Variants in PTK2 observed in about 807,000 individuals in gnomAD.
PTK2 encodes the protein protein tyrosine kinase 2, also known as focal adhesion kinase 1.
In PTK2, 45 loss-of-function variants were observed where a neutral mutation model predicts 150.1. The observed-to-expected ratio is 0.30, with a 90% CI of 0.24 to 0.38. The LOEUF (loss-of-function observed/expected upper bound fraction) is 0.38. PTK2 is among the 10% of genes least tolerant of loss of function. PTK2 has a pLI of 1.00. For synonymous variants in PTK2, 432 were observed against 449.2 expected (o/e 0.96, Z 0.48); for missense variants, 919 against 1,307.3 (o/e 0.70, Z 4.58).
At chr8:140,973,069 T>TA (rs1234805542) in intron 1 of PTK2, among the ~76,000 whole-genome samples, 1 of 152,264 alleles carries the variant, frequency 6.6e-6, no homozygotes, top group Non-Finnish European at 1.5e-5. Context: ...TGGTAAATGT[T>TA]ACTGTATGTG....
chr8:140,798,525 TC>T (rs938387555), intron 12 of PTK2, among the ~76,000 whole-genome samples: 3 of 152,216 alleles, frequency 2.0e-5, no homozygotes, highest in African/African-American at 7.2e-5. Flanking sequence ...GCATCGCATT[TC>T]ATGTTTGATA....
At chr8:140,713,043 G>A (rs1359451385) in intron 23 of PTK2, among the ~76,000 whole-genome samples, 3 of 152,282 alleles carry the variant, frequency 2.0e-5, no homozygotes, top group East Asian at 1.9e-4. Context: ...ATAAGACATC[G>A]TGTCTAGGTG....
rs558627102 is a variant in PTK2, at chr8:140,811,335, C to T, written c.867+6942G>A. ...CCCCTAAAATATTCCAGAAATGCAGCCAGTCAGTTGAGTCCACCTTACCAC... is the reference window on the plus strand; with the variant it reads ...CCCCTAAAATATTCCAGAAATGCAGTCAGTCAGTTGAGTCCACCTTACCAC... On this transcript the variant is annotated intron_variant, in intron 10 of 31. Coordinates refer to ENST00000522684, the Ensembl canonical transcript of PTK2. Among the ~76,000 whole-genome samples the T allele has an allele frequency of 2.6e-5, 4 of 152,154 alleles. 1 individual carries two copies. The South Asian group carries it at 6.2e-4, about 24-fold the overall frequency.
chr8:140,713,581 G>A (rs1674969446), intron 23 of PTK2, among the ~76,000 whole-genome samples: 1 of 152,106 alleles, frequency 6.6e-6, no homozygotes, highest in South Asian at 2.1e-4. Context: ...GAATGGTCAC[G>A]GGGACCTACA....
At chr8:140,663,315 C>T (rs1404289004) in intron 31 of PTK2, among the ~76,000 whole-genome samples, 1 of 142,436 alleles carries the variant, frequency 7.0e-6, no homozygotes. Flanking sequence ...TGGGAGTTCT[C>T]TCTATTAATC....
At chr8:140,789,108 C>A (rs1470461125) in intron 14 of PTK2, among the ~76,000 whole-genome samples, 1 of 152,176 alleles carries the variant, frequency 6.6e-6, no homozygotes, top group African/African-American at 2.4e-5. Flanking sequence ...AAATGTCTCA[C>A]ATTTCCTGAA....
chr8:140,675,304 G>C, intron 28 of PTK2, 156 bp downstream of exon 31: 2 of 767,398 alleles, frequency 2.6e-6, no homozygotes, highest in Non-Finnish European at 4.3e-6. Flanking sequence ...CAATACTCTA[G>C]TAATGAGCTG....
chr8:140,972,960 A>G (rs1407760839), intron 1 of PTK2, among the ~76,000 whole-genome samples: 2 of 152,232 alleles, frequency 1.3e-5, no homozygotes, highest in African/African-American at 4.8e-5. Flanking sequence ...CCTGTTCTTT[A>G]TTCAAATCCC....
At chr8:140,674,268 A>C (rs1363030478) in intron 29 of PTK2, 30 bp downstream of exon 32, 1 of 1,561,422 alleles carries the variant, frequency 6.4e-7, no homozygotes, top group Admixed American at 1.8e-5. Context: ...TCCTGCAAGC[A>C]GAAGGTGCTG....
chr8:140,965,014 C>G (rs987636658), intron 1 of PTK2, among the ~76,000 whole-genome samples: 1 of 152,148 alleles, frequency 6.6e-6, no homozygotes, highest in African/African-American at 2.4e-5. Flanking sequence ...GAAACTAAGA[C>G]CTAATAATCC....
In PTK2 at chr8:140,890,789, A is replaced by AT. The variant is rs748663271; in HGVS notation, c.-32-21dup. ...CATATTCTGTTAAAAGAACAAAATAATTTTTTGTGTATAATACTTGAAATC... is the reference window on the plus strand; with the variant it reads ...CATATTCTGTTAAAAGAACAAAATAATTTTTTTGTGTATAATACTTGAAATC... On this transcript the variant is annotated intron_variant, in intron 2 of 31. Coordinates refer to ENST00000522684, the Ensembl canonical transcript of PTK2. The AT allele has an allele frequency of 1.0e-5, 16 of 1,592,092 alleles. No individual in the cohort carries two copies. Among genetic ancestry groups the AT allele is most frequent in the South Asian group, 9.9e-5 (9 of 90,538 alleles).
chr8:140,853,927 G>A (rs1335077750), intron 5 of PTK2, among the ~76,000 whole-genome samples: 1 of 152,026 alleles, frequency 6.6e-6, no homozygotes, highest in Non-Finnish European at 1.5e-5. Flanking sequence ...CAGCTTTAAG[G>A]CCAAGAAAAT....
At chr8:140,732,515 TC>T (rs1353555168) in intron 22 of PTK2, 1 of 523,722 alleles carries the variant, frequency 1.9e-6, no homozygotes, top group East Asian at 5.7e-5. Flanking sequence ...GGGTGACTCT[TC>T]CTGTATCTAG....
At position 140,846,333 on chromosome 8, in the gene PTK2, G is replaced by A. The variant is rs1247620831; in HGVS notation, c.531-11C>T. 2 of 1,610,184 alleles carry A rather than the reference G, an allele frequency of 1.2e-6. No individual in the cohort carries two copies. Among genetic ancestry groups the A allele is most frequent in the Admixed American group, 3.3e-5 (2 of 59,892 alleles). ...TCCCAGTATGATCGCCTAAAATCAG[G>A]GAAGACATACATTTATATGTATATA... On this transcript the variant is annotated splice_polypyrimidine_tract_variant and intron_variant, in intron 6 of 31. Transcript: ENST00000522684.
At chr8:140,741,901 G>A (rs1284792819) in intron 20 of PTK2, among the ~76,000 whole-genome samples, 1 of 152,190 alleles carries the variant, frequency 6.6e-6, no homozygotes, top group Non-Finnish European at 1.5e-5. Context: ...CACTTTGTGA[G>A]GCGGAGGCAG....
At chr8:141,000,856 C>A in intron 1 of PTK2, 1 of 151,434 alleles carries the variant, frequency 6.6e-6, no homozygotes, top group South Asian at 2.1e-4. Flanking sequence ...CCCCGAACCC[C>A]CGCCTCCCAG....
intron 1 of PTK2, among the ~76,000 whole-genome samples, chr8:140,972,117 A>T (rs1165104706): frequency 1.3e-5 from 2 of 152,228 alleles, no homozygotes; most frequent in Admixed American, 6.5e-5. Context: ...GAACACTTGT[A>T]ATTGATGTTG....
At chr8:140,692,654 C>T (rs925984317) in intron 26 of PTK2, among the ~76,000 whole-genome samples, 2 of 147,954 alleles carry the variant, frequency 1.4e-5, no homozygotes, top group African/African-American at 5.0e-5. Flanking sequence ...AAAAAAAAAA[C>T]AGTTCGGCTT....
In PTK2 at chr8:140,879,404, T is replaced by C. The variant is rs551429205; in HGVS notation, c.362+67A>G. ...AAATTAAACATATACATTTGTTATC[T>C]TGTGCATGTTTTTAAAAAGCAAAAG... is the stretch of plus-strand genomic sequence containing the variant. On this transcript the variant is annotated intron_variant, in intron 4 of 31. Coordinates refer to ENST00000522684, the Ensembl canonical transcript of PTK2. 5.4e-4 allele frequency: 783 copies of C among 1,443,510 alleles called. 14 individuals are homozygous for C. The South Asian group carries it at 0.01, about 19-fold the overall frequency. 89.4% of individuals were successfully genotyped at this position (1,443,510 alleles called of 1,614,324 possible). A position where few individuals can be genotyped will look rare whatever the true frequency, so the allele number is the denominator to read the frequency against.
Sources: gnomAD v4.1 joint callset for allele counts (sites outside exome capture counted in the v4.1 genomes callset) on GRCh38, gnomAD v4.1.1 for gene constraint, MANE v1.5 for transcripts, NCBI Gene and HGNC (gene_info 2026-07-23, HGNC 2026-07-21) for gene names.